Variants in AFG2A observed in about 807,000 individuals in gnomAD.
The protein encoded by AFG2A is AAA ATPase AFG2A.
At chr4:123,169,011 A>G in the AFG2A span, among the ~76,000 whole-genome samples, 3 of 152,192 alleles carry the variant, frequency 2.0e-5, no homozygotes, top group African/African-American at 7.2e-5. Flanking sequence ...GAGTTGGTAA[A>G]TGTCTACTTA....
At chr4:123,253,473 G>A in the AFG2A span, among the ~76,000 whole-genome samples, 7 of 127,796 alleles carry the variant, frequency 5.5e-5, no homozygotes, top group Admixed American at 2.6e-4. Flanking sequence ...CAACAAGAGC[G>A]AAACTCCACC....
At chr4:123,145,335 A>G in the AFG2A span, among the ~76,000 whole-genome samples, 2 of 109,726 alleles carry the variant, frequency 1.8e-5, no homozygotes, top group Non-Finnish European at 4.4e-5. Flanking sequence ...AGAGTAAAAG[A>G]CATAAAAGCC....
At chr4:122,978,236 C>T in the AFG2A span, among the ~76,000 whole-genome samples, 1 of 152,064 alleles carries the variant, frequency 6.6e-6, no homozygotes, top group African/African-American at 2.4e-5. Flanking sequence ...CTCCTTTCTG[C>T]AGGCAGGTTG....
the AFG2A span, among the ~76,000 whole-genome samples, chr4:123,085,397 C>T: frequency 5.9e-5 from 9 of 152,246 alleles, no homozygotes; most frequent in Admixed American, 4.6e-4. Context: ...GATGCATACA[C>T]GTTAAGGATT....
the AFG2A span, among the ~76,000 whole-genome samples, chr4:123,111,634 G>C: frequency 6.6e-6 from 1 of 151,874 alleles, no homozygotes; most frequent in South Asian, 2.1e-4. Context: ...AAGAGTAAAA[G>C]GTCAGTTATG....
the AFG2A span, among the ~76,000 whole-genome samples, chr4:122,925,253 A>G: frequency 3.9e-5 from 6 of 152,058 alleles, no homozygotes; most frequent in African/African-American, 1.4e-4. Flanking sequence ...AATTTCAGAC[A>G]CCATCATCTC....
the AFG2A span, among the ~76,000 whole-genome samples, chr4:123,034,798 A>C: frequency 6.6e-6 from 1 of 152,174 alleles, no homozygotes; most frequent in African/African-American, 2.4e-5. Flanking sequence ...GCTAAAAAAT[A>C]AAATATATTT....
the AFG2A span, chr4:122,938,181 G>A: frequency 6.2e-7 from 1 of 1,609,678 alleles, no homozygotes; most frequent in Admixed American, 1.7e-5. Context: ...GAAAAGAGAG[G>A]GGGCCCAGAA....
chr4:123,208,985 C>G, the AFG2A span, among the ~76,000 whole-genome samples: 1 of 152,120 alleles, frequency 6.6e-6, no homozygotes, highest in Admixed American at 6.5e-5. Context: ...TGAAGTCCAT[C>G]CCACAAACTC....
the AFG2A span, among the ~76,000 whole-genome samples, chr4:123,044,305 A>G: frequency 6.6e-6 from 1 of 152,192 alleles, no homozygotes; most frequent in African/African-American, 2.4e-5. Flanking sequence ...ATCTTCTTCA[A>G]TTAGGGAACA....
chr4:123,094,250 T>C, the AFG2A span, among the ~76,000 whole-genome samples: 1 of 152,184 alleles, frequency 6.6e-6, no homozygotes, highest in Admixed American at 6.5e-5. Flanking sequence ...CACTTTATTT[T>C]CATAATTTTG....
At chr4:122,994,180 T>G in the AFG2A span, among the ~76,000 whole-genome samples, 1 of 152,144 alleles carries the variant, frequency 6.6e-6, no homozygotes, top group Non-Finnish European at 1.5e-5. Context: ...AGCAGCTGAT[T>G]TCTTCTATGA....
the AFG2A span, chr4:122,938,129 C>T: frequency 8.1e-6 from 13 of 1,597,314 alleles, no homozygotes; most frequent in African/African-American, 1.2e-4. Flanking sequence ...TTTTTAGACA[C>T]CCATCAATTA....
the AFG2A span, among the ~76,000 whole-genome samples, chr4:123,155,397 T>A: frequency 6.6e-6 from 1 of 152,158 alleles, no homozygotes; most frequent in Non-Finnish European, 1.5e-5. Flanking sequence ...TTATGTAATT[T>A]TTTTTCTCCT....
At chr4:123,053,487 G>A in the AFG2A span, among the ~76,000 whole-genome samples, 1 of 152,254 alleles carries the variant, frequency 6.6e-6, no homozygotes, top group Non-Finnish European at 1.5e-5. Flanking sequence ...TCTGCTGTGT[G>A]AAGGAGACTG....
At chr4:123,093,419 A>G in the AFG2A span, among the ~76,000 whole-genome samples, 1 of 152,210 alleles carries the variant, frequency 6.6e-6, no homozygotes, top group African/African-American at 2.4e-5. Flanking sequence ...CATTGCCATG[A>G]CATTTGTCAA....
the AFG2A span, among the ~76,000 whole-genome samples, chr4:123,301,752 A>G: frequency 1.3e-5 from 2 of 152,254 alleles, no homozygotes; most frequent in Admixed American, 6.5e-5. Flanking sequence ...TAACACAGAT[A>G]GCCATTAACA....
At chr4:123,309,412 G>C in the AFG2A span, among the ~76,000 whole-genome samples, 18 of 152,084 alleles carry the variant, frequency 1.2e-4, no homozygotes, top group African/African-American at 4.1e-4. Flanking sequence ...TTCTTTTATA[G>C]GGGTACTAAT....
At chr4:123,048,225 G>T in the AFG2A span, among the ~76,000 whole-genome samples, 1 of 152,118 alleles carries the variant, frequency 6.6e-6, no homozygotes, top group Admixed American at 6.6e-5. Flanking sequence ...CTGTGTGCCT[G>T]TTTTTATGCC....
Sources: allele counts gnomAD v4.1 joint callset (sites outside exome capture counted in the v4.1 genomes callset), GRCh38; gene constraint gnomAD v4.1.1; transcripts MANE v1.5; gene names NCBI Gene and HGNC (gene_info 2026-07-23, HGNC 2026-07-21).